JADE1: variants seen among roughly 807,000 people sequenced by gnomAD.
The protein encoded by JADE1 is protein Jade-1.
A neutral mutation model predicts 81.8 loss-of-function variants in JADE1; 14 were observed. That is an observed-to-expected ratio of 0.17 (90% CI 0.11 to 0.27). The LOEUF (loss-of-function observed/expected upper bound fraction) is 0.27, where lower values mean the gene tolerates loss of function less well. JADE1 is among the 10% of genes least tolerant of loss of function. The probability of loss-of-function intolerance (pLI) is 1.00; values close to 1 mark genes in which losing one functional copy is unlikely to be tolerated. For missense variants in JADE1, 690 were observed against 1,047.9 expected (o/e 0.66, Z 4.71); for synonymous variants, 353 against 391.9 (o/e 0.90, Z 1.17).
intron 1 of JADE1, chr4:128,811,463 C>T (rs1726359438): frequency 6.6e-6 from 1 of 152,030 alleles, no homozygotes; most frequent in South Asian, 2.1e-4. Flanking sequence ...GAGCGAGCCT[C>T]CGCGGCACGT....
intron 2 of JADE1, among the ~76,000 whole-genome samples, chr4:128,840,229 A>G (rs1273419113): frequency 1.3e-5 from 2 of 152,190 alleles, no homozygotes; most frequent in African/African-American, 2.4e-5. Flanking sequence ...GGAACCTTGG[A>G]AACTACTTGG....
chr4:128,829,561 T>A (rs1728359244), intron 1 of JADE1, among the ~76,000 whole-genome samples: 1 of 152,186 alleles, frequency 6.6e-6, no homozygotes, highest in Non-Finnish European at 1.5e-5. Context: ...TTTCATCTAC[T>A]TTTTTAGGTT....
At chr4:128,856,588 A>G (rs1384883208) in intron 7 of JADE1, among the ~76,000 whole-genome samples, 1 of 152,008 alleles carries the variant, frequency 6.6e-6, no homozygotes, top group Non-Finnish European at 1.5e-5. Context: ...TTGTGCCTCA[A>G]CCTTTTTAAT....
chr4:128,871,154 A>G lies in JADE1; in HGVS notation c.1622-201A>G, dbSNP rs1365863372. 6.6e-6 allele frequency among the ~76,000 whole-genome samples: 1 copy of G among 152,208 alleles called. No homozygotes were observed. Among genetic ancestry groups the G allele is most frequent in the Non-Finnish European group, 1.5e-5 (1 of 68,040 alleles). On this transcript the variant is annotated intron_variant, in intron 10 of 10. Transcript: ENST00000226319. This position sits in a 1 kb window ranked among gnomAD's most constrained non-coding sequence, Gnocchi z 4.1. The stretch of plus-strand genomic sequence containing the variant: ...CTGTTTTAGAAAATGTGGCATATTG[A>G]GTCTGCAGATTGAATGGAGATTCTC...
At chr4:128,820,493 A>AGCCTCAGACTTCG (rs1727465836) in intron 1 of JADE1, among the ~76,000 whole-genome samples, 1 of 152,200 alleles carries the variant, frequency 6.6e-6, no homozygotes, top group Non-Finnish European at 1.5e-5. Context: ...CTGAGACTTC[A>AGCCTCAGACTTCG]GCCTCAGAGA....
intron 8 of JADE1, among the ~76,000 whole-genome samples, chr4:128,860,291 C>G (rs1427235712): frequency 6.6e-6 from 1 of 152,066 alleles, no homozygotes; most frequent in Non-Finnish European, 1.5e-5. Flanking sequence ...AGATTTATGT[C>G]AGTCTCTGTG....
intron 2 of JADE1, among the ~76,000 whole-genome samples, chr4:128,839,095 A>C: frequency 6.6e-6 from 1 of 152,216 alleles, no homozygotes; most frequent in African/African-American, 2.4e-5. Flanking sequence ...TTTAAAAAAA[A>C]ATTATCTACT....
chr4:128,860,752 A>G (rs550702810), intron 8 of JADE1, among the ~76,000 whole-genome samples: 5 of 152,324 alleles, frequency 3.3e-5, no homozygotes, highest in Non-Finnish European at 5.9e-5. Flanking sequence ...CTGTTTAGGC[A>G]GTGAGAGGGG....
chr4:128,835,795 C>T (rs1461721284), intron 2 of JADE1, among the ~76,000 whole-genome samples: 1 of 152,204 alleles, frequency 6.6e-6, no homozygotes, highest in Admixed American at 6.5e-5. Context: ...CTGGGACTTG[C>T]TGGCCTCTGG....
At chr4:128,812,806 G>GGGCT (rs778765133) in intron 1 of JADE1, among the ~76,000 whole-genome samples, 1 of 152,226 alleles carries the variant, frequency 6.6e-6, no homozygotes, top group Non-Finnish European at 1.5e-5. Flanking sequence ...CAGGGGCGAG[G>GGGCT]GGCTGTCGCC....
intron 5 of JADE1, among the ~76,000 whole-genome samples, chr4:128,850,555 C>G (rs1730265334): frequency 6.6e-6 from 1 of 152,184 alleles, no homozygotes; most frequent in African/African-American, 2.4e-5. Context: ...CTTCCTTCTT[C>G]TTGGTCCTGC....
rs145113925 is a variant in JADE1 at position 128,868,092 on chromosome 4, G to A, written c.1621+119G>A. 2.0e-3 allele frequency: 1,128 copies of A among 555,066 alleles called. 11 individuals carry two copies. The highest frequency in any genetic ancestry group is 0.016 in the Admixed American group (596 of 37,270). The allele number at this position is 555,066 out of a possible 1,614,324, so 34.4% of individuals were successfully genotyped here. On this transcript the variant is annotated intron_variant, in intron 10 of 10. Coordinates refer to ENST00000226319, the MANE Select transcript of JADE1 (RefSeq NM_199320.4). ...ATAGAAGAATTTAAGAAGCATAGAC[G>A]TTCATATTTAAAGGAAGTCTTTAAT...
At chr4:128,830,067 A>G (rs1044571782) in intron 1 of JADE1, among the ~76,000 whole-genome samples, 67 of 150,396 alleles carry the variant, frequency 4.5e-4, no homozygotes, top group African/African-American at 1.6e-3. Context: ...TAGTAGAGGC[A>G]GGGTTTCACC....
intron 6 of JADE1, among the ~76,000 whole-genome samples, chr4:128,854,991 G>A (rs143043870): frequency 6.6e-6 from 1 of 152,204 alleles, no homozygotes; most frequent in African/African-American, 2.4e-5. Context: ...CTAAGGAGAC[G>A]ACATTCTTCC....
chr4:128,849,895 G>A (rs190048912), intron 5 of JADE1, among the ~76,000 whole-genome samples: 125 of 152,274 alleles, frequency 8.2e-4, no homozygotes, highest in Admixed American at 2.9e-3. Context: ...GTCAAGTCTG[G>A]GCTCAGTGTG....
chr4:128,815,934 G>A (rs10017436), intron 1 of JADE1, among the ~76,000 whole-genome samples: 79,414 of 151,812 alleles, frequency 0.52, 24,130 homozygotes, highest in African/African-American at 0.85. Flanking sequence ...TTGTTAAAAC[G>A]GTGAAAGTTA....
chr4:128,812,276 C>T (rs573738993), intron 1 of JADE1, among the ~76,000 whole-genome samples: 1 of 152,070 alleles, frequency 6.6e-6, no homozygotes, highest in African/African-American at 2.4e-5. Flanking sequence ...CCTCCTCCCG[C>T]GCTGTTGTTT....
intron 9 of JADE1, chr4:128,862,987 G>T: frequency 3.0e-6 from 3 of 985,860 alleles, no homozygotes; most frequent in African/African-American, 1.7e-5. Flanking sequence ...TGGTGGACAG[G>T]GGTGTCAGAT....
intron 1 of JADE1, among the ~76,000 whole-genome samples, chr4:128,818,317 C>G (rs1727232600): frequency 6.6e-6 from 1 of 151,976 alleles, no homozygotes; most frequent in African/African-American, 2.4e-5. Context: ...GACGAGGTTT[C>G]ACCATGTTGG....
Sources: gnomAD v4.1 joint callset for allele counts (sites outside exome capture counted in the v4.1 genomes callset) on GRCh38, gnomAD v4.1.1 for gene constraint, Gnocchi (gnomAD v3.1) non-coding constraint, MANE v1.5 for transcripts, NCBI Gene and HGNC (gene_info 2026-07-23, HGNC 2026-07-21) for gene names.